The following PATJ variants were observed in gnomAD, a reference collection of about 807,000 sequenced individuals.
PATJ encodes inaD-like protein.
A neutral mutation model predicts 224.9 loss-of-function variants in PATJ; 190 were observed. That is an observed-to-expected ratio of 0.84 (90% confidence interval 0.75 to 0.95). The LOEUF (loss-of-function observed/expected upper bound fraction) is 0.95, where lower values mean the gene tolerates loss of function less well. Among genes scored for constraint, PATJ ranks in the 40% least tolerant of loss-of-function variants. PATJ has a pLI of 0.00. For missense variants in PATJ, 2,121 were observed against 2,270.3 expected, an observed-to-expected ratio of 0.93 and a Z score of 1.34; for synonymous variants, 769 against 820.3, an observed-to-expected ratio of 0.94 and a Z score of 1.07.
intron 27 of PATJ, among the ~76,000 whole-genome samples, chr1:61,956,874 A>G (rs1037143600): frequency 2.6e-5 from 4 of 152,260 alleles, no homozygotes; most frequent in Admixed American, 2.0e-4. Context: ...CTTGAGAACA[A>G]TCATTTTGGC....
At chr1:61,824,778 C>G (rs1657943176) in intron 15 of PATJ, among the ~76,000 whole-genome samples, 1 of 152,078 alleles carries the variant, frequency 6.6e-6, no homozygotes, top group Non-Finnish European at 1.5e-5. Flanking sequence ...TAAATCACTA[C>G]TAGTATGTGG....
At position 62,134,021 on chromosome 1, in the gene PATJ, C is replaced by A. The variant is rs1452050500; in HGVS notation, c.5271+5076C>A. Among the ~76,000 whole-genome samples, 30 of 152,034 alleles carry A rather than the reference C, an allele frequency of 2.0e-4. 1 individual carries two copies. Among genetic ancestry groups the A allele is most frequent in the Non-Finnish European group, 5.9e-5 (4 of 68,020 alleles). On this transcript the variant is annotated intron_variant, in intron 41 of 43. Transcript: ENST00000642238. Reference sequence around the variant, plus strand: ...TTGGCCTCCCACAGTGCTGAGATTACAGGTGTGAGCCACCGTGCCCAGCCA... The same window carrying A: ...TTGGCCTCCCACAGTGCTGAGATTAAAGGTGTGAGCCACCGTGCCCAGCCA...
At chr1:62,088,063 GTA>G (rs1477134063) in intron 33 of PATJ, among the ~76,000 whole-genome samples, 1 of 151,760 alleles carries the variant, frequency 6.6e-6, no homozygotes, top group African/African-American at 2.4e-5. Flanking sequence ...GGCTAATTTT[GTA>G]TTTTTAGTAG....
chr1:61,857,648 T>G (rs758393557), intron 18 of PATJ, among the ~76,000 whole-genome samples: 1 of 152,240 alleles, frequency 6.6e-6, no homozygotes, highest in South Asian at 2.1e-4. Context: ...CTTAAAGATA[T>G]GTAATATATA....
chr1:61,976,015 A>G (rs1644110040), intron 27 of PATJ, among the ~76,000 whole-genome samples: 1 of 151,924 alleles, frequency 6.6e-6, no homozygotes. Context: ...GTCTACTTTT[A>G]TAGTCATGCT....
intron 41 of PATJ, among the ~76,000 whole-genome samples, chr1:62,132,827 C>A (rs1388995956): frequency 1.3e-5 from 2 of 151,786 alleles, no homozygotes; most frequent in Non-Finnish European, 2.9e-5. Flanking sequence ...TTGCTTGAGC[C>A]CGGGGGGCAG....
intron 41 of PATJ, among the ~76,000 whole-genome samples, chr1:62,131,048 C>T (rs1455660219): frequency 1.3e-5 from 2 of 152,042 alleles, no homozygotes; most frequent in Admixed American, 1.3e-4. Context: ...AAAAGAAAAT[C>T]CTGTCATTAA....
chr1:61,965,572 C>G (rs1456973099), intron 27 of PATJ, among the ~76,000 whole-genome samples: 21 of 152,152 alleles, frequency 1.4e-4, no homozygotes, highest in Non-Finnish European at 8.8e-5. Flanking sequence ...ATTATTTGAT[C>G]CCACGAGGGG....
At chr1:61,972,073 G>A (rs1279914018) in intron 27 of PATJ, among the ~76,000 whole-genome samples, 1 of 151,914 alleles carries the variant, frequency 6.6e-6, no homozygotes, top group Non-Finnish European at 1.5e-5. Flanking sequence ...GACCAGAAGT[G>A]TTTCAGATTT....
chr1:62,156,351 G>A (rs534339622), intron 43 of PATJ, among the ~76,000 whole-genome samples: 1 of 151,846 alleles, frequency 6.6e-6, no homozygotes, highest in East Asian at 1.9e-4. Flanking sequence ...CCAACATGGT[G>A]AAACCCTATC....
Position 61,756,724 on chromosome 1 carries a change from G to A in PATJ, c.-35-6134G>A, listed in dbSNP as rs692250. On this transcript the variant is annotated intron_variant, in intron 1 of 43. Transcript: ENST00000642238. ...CTTCCAAGTAACTGGGACAACAGGC[G>A]TGCGCCACCACGCCCGGATAATTTT... 3.7e-3 allele frequency among the ~76,000 whole-genome samples: 567 copies of A among 151,826 alleles called. 7 individuals carry two copies. Among genetic ancestry groups the A allele is most frequent in the African/African-American group, 0.013 (534 of 41,418 alleles).
chr1:62,053,966 C>T (rs1654102933), intron 31 of PATJ, among the ~76,000 whole-genome samples: 1 of 152,098 alleles, frequency 6.6e-6, no homozygotes, highest in African/African-American at 2.4e-5. Flanking sequence ...AAAATGCCTT[C>T]CCTCATGGAC....
intron 28 of PATJ, among the ~76,000 whole-genome samples, chr1:62,006,887 G>T (rs1487715979): frequency 6.6e-6 from 1 of 152,140 alleles, no homozygotes; most frequent in African/African-American, 2.4e-5. Context: ...AACCTAGATG[G>T]TGTGGCCCAC....
chr1:61,860,343 G>A (rs971094768), intron 18 of PATJ, among the ~76,000 whole-genome samples: 1 of 152,158 alleles, frequency 6.6e-6, no homozygotes, highest in Non-Finnish European at 1.5e-5. Flanking sequence ...CTACAGATGT[G>A]AGGCACCACG....
chr1:61,927,655 T>C (rs1675414165), intron 26 of PATJ, 75 bp from the exon 27 acceptor site: 1 of 917,964 alleles, frequency 1.1e-6, no homozygotes, highest in East Asian at 2.4e-5. Context: ...GACTATCTTT[T>C]TATGCTTTTT....
chr1:61,784,037 G>A (rs540745254), intron 7 of PATJ, among the ~76,000 whole-genome samples: 6 of 152,120 alleles, frequency 3.9e-5, no homozygotes, highest in Admixed American at 6.5e-5. Context: ...TGCCCACCTC[G>A]GCCTCCCAAA....
intron 1 of PATJ, among the ~76,000 whole-genome samples, chr1:61,755,585 C>T (rs1645592883): frequency 6.6e-6 from 1 of 152,014 alleles, no homozygotes; most frequent in Non-Finnish European, 1.5e-5. Flanking sequence ...ACTTAAAAGC[C>T]TTTAATTATT....
intron 29 of PATJ, among the ~76,000 whole-genome samples, chr1:62,032,185 G>T: frequency 6.6e-6 from 1 of 152,156 alleles, no homozygotes; most frequent in Non-Finnish European, 1.5e-5. Flanking sequence ...TTGCTTCCAG[G>T]CTTATTCTCT....
chr1:61,825,630 C>G (rs1203359304), intron 15 of PATJ, among the ~76,000 whole-genome samples: 1 of 151,988 alleles, frequency 6.6e-6, no homozygotes, highest in Admixed American at 6.6e-5. Flanking sequence ...CTATAAATCC[C>G]CTTAGATAGG....
Sources: allele counts gnomAD v4.1 joint callset (sites outside exome capture counted in the v4.1 genomes callset), GRCh38; gene constraint gnomAD v4.1.1; transcripts MANE v1.5; gene names NCBI Gene and HGNC (gene_info 2026-07-23, HGNC 2026-07-21).